Variants in SUSD6 observed in about 807,000 individuals in gnomAD.
SUSD6 encodes sushi domain containing 6.
In SUSD6, 16 loss-of-function variants were observed where a neutral mutation model predicts 28.4. The observed-to-expected ratio is 0.56, with a 90% CI of 0.38 to 0.86. The LOEUF is 0.86. Ranked by LOEUF, SUSD6 falls within the 40% of genes least tolerant of loss-of-function variation. The pLI is 0.00. For synonymous variants in SUSD6, 147 were observed against 159.6 expected (o/e 0.92, Z 0.59); for missense variants, 341 against 384.2 (o/e 0.89, Z 0.94).
chr14:69,615,731 A>G (rs1198037368), intron 1 of SUSD6: 4 of 152,260 alleles, frequency 2.6e-5, no homozygotes, highest in Admixed American at 2.6e-4. Context: ...GAAGTGCAGC[A>G]GTGAGAACTG....
chr14:69,669,096 G>A lies in SUSD6; in HGVS notation c.121+10383G>A, dbSNP rs185320919. 6.1e-3 allele frequency among the ~76,000 whole-genome samples: 727 copies of A among 120,126 alleles called. 7 individuals are homozygous for A. The highest frequency in any genetic ancestry group is 0.022 in the African/African-American group (674 of 30,374). 78.8% of individuals were successfully genotyped at this position (120,126 alleles called of 152,430 possible). A position where few individuals can be genotyped will look rare whatever the true frequency, so the allele number is the denominator to read the frequency against. On this transcript the variant is annotated intron_variant, in intron 2 of 5. Coordinates refer to ENST00000342745, the MANE Select transcript of SUSD6 (RefSeq NM_014734.4). ...TTTTTTTTTTTTGAGACAGAGTCTCGCTTTGTCGCCAGGCTGGAGTGCAGT... is the reference window on the plus strand; with the variant it reads ...TTTTTTTTTTTTGAGACAGAGTCTCACTTTGTCGCCAGGCTGGAGTGCAGT...
At chr14:69,638,860 G>A (rs919809453) in intron 1 of SUSD6, among the ~76,000 whole-genome samples, 1 of 152,216 alleles carries the variant, frequency 6.6e-6, no homozygotes, top group African/African-American at 2.4e-5. Context: ...TTCTCAGCCA[G>A]TGTCTACAGA....
At chr14:69,622,498 A>G (rs932910183) in intron 1 of SUSD6, among the ~76,000 whole-genome samples, 3 of 152,178 alleles carry the variant, frequency 2.0e-5, no homozygotes. Context: ...CTCCTCATAG[A>G]TTTCAACCGC....
chr14:69,612,323 C>G (rs1884890349), intron 1 of SUSD6, among the ~76,000 whole-genome samples: 2 of 152,174 alleles, frequency 1.3e-5, no homozygotes, highest in Non-Finnish European at 2.9e-5. Flanking sequence ...CAGAGCCCGC[C>G]TGTGCGCACC....
chr14:69,699,627 C>T (rs1351774972), intron 2 of SUSD6, among the ~76,000 whole-genome samples: 1 of 144,598 alleles, frequency 6.9e-6, no homozygotes, highest in African/African-American at 2.6e-5. Flanking sequence ...CAGCTTTTTT[C>T]TTTTCTATGA....
intron 1 of SUSD6, among the ~76,000 whole-genome samples, chr14:69,621,910 A>G (rs1195971175): frequency 6.6e-6 from 1 of 152,182 alleles, no homozygotes; most frequent in Non-Finnish European, 1.5e-5. Flanking sequence ...TACGTGAGCA[A>G]TTGTAGAATG....
intron 1 of SUSD6, among the ~76,000 whole-genome samples, chr14:69,638,309 A>T (rs1277227463): frequency 6.6e-6 from 1 of 152,130 alleles, no homozygotes; most frequent in Non-Finnish European, 1.5e-5. Context: ...CTTGTGCTTC[A>T]AACCTTGCCT....
At chr14:69,628,308 A>G (rs1885145095) in intron 1 of SUSD6, among the ~76,000 whole-genome samples, 1 of 152,208 alleles carries the variant, frequency 6.6e-6, no homozygotes, top group Non-Finnish European at 1.5e-5. Context: ...TTGTGGTGGC[A>G]AAGTACAAAG....
intron 1 of SUSD6, among the ~76,000 whole-genome samples, chr14:69,656,749 A>G (rs1279334696): frequency 6.6e-6 from 1 of 152,248 alleles, no homozygotes; most frequent in Non-Finnish European, 1.5e-5. Context: ...GACTAAGGCT[A>G]AGAGAGGTTA....
chr14:69,643,093 C>T (rs539647198), intron 1 of SUSD6, among the ~76,000 whole-genome samples: 4 of 152,262 alleles, frequency 2.6e-5, no homozygotes, highest in East Asian at 1.9e-4. Flanking sequence ...GGGCTCACTG[C>T]GTTTTTTCCC....
intron 2 of SUSD6, among the ~76,000 whole-genome samples, chr14:69,680,033 C>T (rs916630875): frequency 6.6e-6 from 1 of 152,190 alleles, no homozygotes; most frequent in Non-Finnish European, 1.5e-5. Context: ...CCACCTTCTT[C>T]AGATCCCTTT....
At chr14:69,631,896 TC>T (rs1869982810) in intron 1 of SUSD6, among the ~76,000 whole-genome samples, 1 of 152,182 alleles carries the variant, frequency 6.6e-6, no homozygotes, top group South Asian at 2.1e-4. Flanking sequence ...GCATGACTGT[TC>T]TAGGGTGGTC....
chr14:69,641,531 TG>T (rs1462685914), intron 1 of SUSD6, among the ~76,000 whole-genome samples: 1 of 152,204 alleles, frequency 6.6e-6, no homozygotes, highest in African/African-American at 2.4e-5. Flanking sequence ...AATCCTATCC[TG>T]TGTACTTTTT....
intron 2 of SUSD6, among the ~76,000 whole-genome samples, chr14:69,666,637 T>A (rs1885746089): frequency 6.6e-6 from 1 of 152,224 alleles, no homozygotes; most frequent in South Asian, 2.1e-4. Flanking sequence ...TAGGAGCCCC[T>A]TTCTACCTAG....
intron 1 of SUSD6, among the ~76,000 whole-genome samples, chr14:69,641,600 T>C (rs1885353670): frequency 6.6e-6 from 1 of 151,846 alleles, no homozygotes; most frequent in South Asian, 2.1e-4. Flanking sequence ...TGAATCTTTA[T>C]TTTTTTTGAG....
At chr14:69,709,264 C>A (rs1046536234) in intron 5 of SUSD6, among the ~76,000 whole-genome samples, 160 bp downstream of exon 5, 1 of 152,172 alleles carries the variant, frequency 6.6e-6, no homozygotes, top group Non-Finnish European at 1.5e-5. Context: ...CCTCAGAGTA[C>A]TGAGTAGGGC....
intron 2 of SUSD6, among the ~76,000 whole-genome samples, chr14:69,667,440 A>G (rs573137213): frequency 5.6e-4 from 78 of 138,274 alleles, no homozygotes; most frequent in African/African-American, 2.0e-3. Flanking sequence ...GCAGTGGTGC[A>G]ATCTCGGCTC....
chr14:69,693,286 G>C (rs1222463165), intron 2 of SUSD6, among the ~76,000 whole-genome samples: 1 of 151,770 alleles, frequency 6.6e-6, no homozygotes, highest in African/African-American at 2.4e-5. Context: ...ACAGTGGGAG[G>C]GGGAGGGGTT....
Position 69,709,017 on chromosome 14 carries a change from C to T in SUSD6, c.799C>T (p.Arg267Cys), listed in dbSNP as rs543876211. 8.1e-6 allele frequency: 13 copies of T among 1,613,998 alleles called. No homozygotes were observed. Among genetic ancestry groups the T allele is most frequent in the African/African-American group, 5.3e-5 (4 of 75,026 alleles). ...TSSWVAGSGN[R>C]QLAHKETADS... is the part of the protein sequence containing the mutation. ...TTCCTGGGTGGCCGGCTCAGGGAAC[C>T]GCCAACTGGCACACAAAGAAACTGC... Residue 267 changes from arginine to cysteine, a missense_variant, in exon 5 of 6, where the codon CGC becomes TGC. Coordinates refer to ENST00000342745, the MANE Select transcript of SUSD6 (RefSeq NM_014734.4).
Sources: gnomAD v4.1 joint callset for allele counts (sites outside exome capture counted in the v4.1 genomes callset) on GRCh38, gnomAD v4.1.1 for gene constraint, MANE v1.5 for transcripts, NCBI Gene and HGNC (gene_info 2026-07-23, HGNC 2026-07-21) for gene names.